MIPEP: variants seen among roughly 807,000 people sequenced by gnomAD.
MIPEP encodes the protein mitochondrial intermediate peptidase.
MIPEP carries 79 observed loss-of-function variants against 90.3 expected under a neutral mutation model. That is an observed-to-expected ratio of 0.87 (90% confidence interval 0.73 to 1.05). The LOEUF (loss-of-function observed/expected upper bound fraction) is 1.05. Among genes scored for constraint, MIPEP ranks in the 50% least tolerant of loss-of-function variants. The probability of loss-of-function intolerance (pLI) is 0.00; values close to 1 mark genes in which losing one functional copy is unlikely to be tolerated. For synonymous variants in MIPEP, 334 were observed against 315.8 expected, an observed-to-expected ratio of 1.06 and a Z score of -0.61; for missense variants, 940 against 905.6, an observed-to-expected ratio of 1.04 and a Z score of -0.49.
chr13:23,769,308 C>T (rs989854914), intron 16 of MIPEP, among the ~76,000 whole-genome samples: 6 of 152,066 alleles, frequency 3.9e-5, no homozygotes, highest in Admixed American at 6.6e-5. Context: ...CTGAGGCACA[C>T]GACAAGAAGG....
intron 10 of MIPEP, among the ~76,000 whole-genome samples, chr13:23,855,198 G>A (rs939737425): frequency 3.3e-5 from 5 of 152,102 alleles, no homozygotes; most frequent in African/African-American, 7.2e-5. Context: ...TCTGAAAGAC[G>A]TAATGTTACT....
intron 14 of MIPEP, among the ~76,000 whole-genome samples, chr13:23,817,509 C>T (rs984500278): frequency 6.6e-6 from 1 of 152,126 alleles, no homozygotes; most frequent in African/African-American, 2.4e-5. Context: ...ATCTCTCCCC[C>T]ACTACCAAAC....
chr13:23,793,295 A>C (rs574214898), intron 16 of MIPEP, among the ~76,000 whole-genome samples: 6 of 152,340 alleles, frequency 3.9e-5, no homozygotes, highest in African/African-American at 1.4e-4. Context: ...AGTGGATCTC[A>C]CAGACATGTT....
At chr13:23,738,731 C>T (rs1205266232) in intron 18 of MIPEP, among the ~76,000 whole-genome samples, 2 of 152,102 alleles carry the variant, frequency 1.3e-5, no homozygotes, top group Admixed American at 6.5e-5. Flanking sequence ...GGATTACAGG[C>T]GTGCGCCTCT....
intron 10 of MIPEP, among the ~76,000 whole-genome samples, chr13:23,844,593 G>C (rs947663076): frequency 3.9e-5 from 6 of 151,936 alleles, no homozygotes; most frequent in Non-Finnish European, 8.8e-5. Flanking sequence ...TCATTTTTTT[G>C]TTTCCAGACA....
At chr13:23,784,070 C>T (rs1201782044) in intron 16 of MIPEP, among the ~76,000 whole-genome samples, 2 of 151,990 alleles carry the variant, frequency 1.3e-5, no homozygotes, top group Non-Finnish European at 2.9e-5. Context: ...GGGTAATGCC[C>T]TATTTATAGG....
intron 8 of MIPEP, among the ~76,000 whole-genome samples, chr13:23,862,993 G>A (rs549068835): frequency 2.6e-5 from 4 of 152,108 alleles, no homozygotes; most frequent in Non-Finnish European, 5.9e-5. Flanking sequence ...TTGTATCAAA[G>A]ACACAGTGGT....
At chr13:23,835,955 G>C (rs746433014) in intron 14 of MIPEP, among the ~76,000 whole-genome samples, 5 of 152,174 alleles carry the variant, frequency 3.3e-5, no homozygotes, top group Non-Finnish European at 7.3e-5. Context: ...CTGGAAAATG[G>C]GGATAAAGTG....
intron 7 of MIPEP, among the ~76,000 whole-genome samples, chr13:23,868,664 C>G (rs1044425743): frequency 1.3e-5 from 2 of 152,204 alleles, no homozygotes; most frequent in Non-Finnish European, 2.9e-5. Context: ...CACCCTACTC[C>G]TGACTCACCA....
intron 14 of MIPEP, among the ~76,000 whole-genome samples, chr13:23,829,996 A>C (rs182261284): frequency 3.3e-5 from 5 of 152,344 alleles, no homozygotes; most frequent in East Asian, 1.9e-4. Context: ...ACCATTGCTG[A>C]GAGGAGTATA....
At chr13:23,792,275 T>C (rs1266521208) in intron 16 of MIPEP, among the ~76,000 whole-genome samples, 1 of 152,218 alleles carries the variant, frequency 6.6e-6, no homozygotes, top group Non-Finnish European at 1.5e-5. Context: ...CCTCTGAACT[T>C]GTACATCCAA....
intron 10 of MIPEP, among the ~76,000 whole-genome samples, chr13:23,848,496 G>A (rs1246016050): frequency 6.6e-6 from 1 of 152,140 alleles, no homozygotes; most frequent in East Asian, 1.9e-4. Flanking sequence ...CAATAATGAC[G>A]ACCAATCCAA....
Position 23,867,019 on chromosome 13 carries a change from C to T in MIPEP, c.943+2273G>A, listed in dbSNP as rs544295992. The stretch of plus-strand genomic sequence containing the variant: ...CCCTGCTACCACCTGGTCAAGATGC[C>T]AACACTTCTCATCATGGTTACTGCA... On this transcript the variant is annotated intron_variant, in intron 7 of 18. Transcript: ENST00000382172. 5.1e-4 allele frequency among the ~76,000 whole-genome samples: 17 copies of T among 33,086 alleles called. No homozygotes were observed. In the South Asian group the frequency reaches 0.04, roughly 78 times the overall value. The allele number at this position is 33,086 out of a possible 152,430, so 21.7% of individuals were successfully genotyped here.
At position 23,753,448 on chromosome 13, in the gene MIPEP, A is replaced by C. The variant is rs1474816394; in HGVS notation, c.2044+3097T>G. Among the ~76,000 whole-genome samples the C allele has an allele frequency of 2.0e-5, 3 of 152,248 alleles. No individual in the cohort carries two copies. The East Asian group carries it at 5.8e-4, about 29-fold the overall frequency. On this transcript the variant is annotated intron_variant, in intron 18 of 18. Transcript: ENST00000382172. ...TTTAACCACTATTATGTTGCCTTCA[A>C]ATGGTATTTGGTGTGTTAGGCTTTT...
intron 18 of MIPEP, chr13:23,756,337 TAG>T: frequency 2.1e-6 from 1 of 483,044 alleles, no homozygotes; most frequent in South Asian, 2.1e-5. Flanking sequence ...GTATTTTTAG[TAG>T]AGACAGGGTT....
At chr13:23,882,071 CTT>C (rs553989994) in intron 2 of MIPEP, among the ~76,000 whole-genome samples, 31 of 98,464 alleles carry the variant, frequency 3.1e-4, no homozygotes, top group Non-Finnish European at 4.5e-4. Context: ...TTCTTTCTTT[CTT>C]TTTTTTTTTT....
At chr13:23,820,034 C>T (rs1593172703) in intron 14 of MIPEP, among the ~76,000 whole-genome samples, 1 of 149,834 alleles carries the variant, frequency 6.7e-6, no homozygotes, top group African/African-American at 2.4e-5. Context: ...AGGAAAAAAA[C>T]CTCTTTTCAT....
In MIPEP at chr13:23,758,473, C is replaced by T. The variant is rs574520813; in HGVS notation, c.1970+1623G>A. On this transcript the variant is annotated intron_variant, in intron 17 of 18. Transcript: ENST00000382172. ...TAAACAAGATATAAATATTTAGAAA[C>T]GTATATATTTTATAGTATGTACTTT... is the stretch of plus-strand genomic sequence containing the variant. Among the ~76,000 whole-genome samples the T allele has an allele frequency of 6.6e-5, 10 of 152,134 alleles. No homozygotes were observed. In the East Asian group the frequency reaches 7.7e-4, roughly 12 times the overall value.
chr13:23,810,328 G>C (rs1334402636), intron 14 of MIPEP, among the ~76,000 whole-genome samples: 1 of 152,198 alleles, frequency 6.6e-6, no homozygotes, highest in Non-Finnish European at 1.5e-5. Context: ...AAAATGTCAA[G>C]AAATAAATGG....
Sources: gnomAD v4.1 joint callset for allele counts (sites outside exome capture counted in the v4.1 genomes callset) on GRCh38, gnomAD v4.1.1 for gene constraint, MANE v1.5 for transcripts, NCBI Gene and HGNC (gene_info 2026-07-23, HGNC 2026-07-21) for gene names.